Variants in NRAS observed in about 807,000 individuals in gnomAD.
NRAS encodes GTPase NRas.
In NRAS, 6 loss-of-function variants were observed where a neutral mutation model predicts 21.3. That is an observed-to-expected ratio of 0.28 (90% CI 0.15 to 0.56). The LOEUF is 0.56. NRAS is among the 20% of genes least tolerant of loss of function. The pLI is 0.93. For missense variants in NRAS, 143 were observed against 231.3 expected (o/e 0.62, Z 2.48); for synonymous variants, 84 against 82.0 (o/e 1.02, Z -0.13).
chr1:114,707,109 T>C lies in NRAS; in HGVS notation c.*985A>G, dbSNP rs796829400. The C allele has an allele frequency of 3.3e-5, 5 of 152,796 alleles. No individual in the cohort carries two copies. The highest frequency in any genetic ancestry group is 1.2e-4 in the African/African-American group (5 of 41,584). 9.5% of individuals were successfully genotyped at this position (152,796 alleles called of 1,614,324 possible). A position where few individuals can be genotyped will look rare whatever the true frequency, so the allele number is the denominator to read the frequency against. Reference sequence around the variant, plus strand: ...AAATTTGAATACAAATGGAAGTTCATTGAATATTAGGTTTATCAGTAAGCT... The same window carrying C: ...AAATTTGAATACAAATGGAAGTTCACTGAATATTAGGTTTATCAGTAAGCT... On this transcript the variant is annotated 3_prime_UTR_variant, in exon 7 of 7. Coordinates refer to ENST00000369535, the MANE Select transcript of NRAS (RefSeq NM_002524.5).
At position 114,706,679 on chromosome 1, in the gene NRAS, A is replaced by C. The variant is rs1658926331; in HGVS notation, c.*1415T>G. The stretch of plus-strand genomic sequence containing the variant: ...CCAGTCATGGTAAAGGGTTTGTGCT[A>C]ACTGACCTCTTCTTTCCTTGCAGGG... On this transcript the variant is annotated 3_prime_UTR_variant, in exon 7 of 7. Coordinates refer to ENST00000369535, the MANE Select transcript of NRAS (RefSeq NM_002524.5). 1 of 152,230 alleles carries C rather than the reference A, an allele frequency of 6.6e-6. No homozygotes were observed. Among genetic ancestry groups the C allele is most frequent in the South Asian group, 2.1e-4 (1 of 4,832 alleles). The allele number at this position is 152,230 out of a possible 1,614,324, so 9.4% of individuals were successfully genotyped here. A position where few individuals can be genotyped will look rare whatever the true frequency, so the allele number is the denominator to read the frequency against.
intron 2 of NRAS, 125 bp downstream of exon 2, chr1:114,715,925 C>A: frequency 1.4e-6 from 1 of 725,982 alleles, no homozygotes; most frequent in South Asian, 1.5e-5. Flanking sequence ...TATTGCATAA[C>A]TGAATGTATA....
At chr1:114,709,284 A>G (rs1402016819) in intron 4 of NRAS, among the ~76,000 whole-genome samples, 1 of 152,004 alleles carries the variant, frequency 6.6e-6, no homozygotes, top group South Asian at 2.1e-4. Context: ...TAAAAGTACA[A>G]AAATTAGCCG....
chr1:114,709,605 C>A lies in NRAS; in HGVS notation c.414G>T (p.Gly138=). The A allele has an allele frequency of 6.2e-7, 1 of 1,614,098 alleles. No homozygotes were observed. The highest frequency in any genetic ancestry group is 8.5e-7 in the Non-Finnish European group (1 of 1,179,972). ...TGGCTGAGGTTTCAATGAATGGAAT[C>A]CCGTAACTCTTGGCCAGTTCGTGGG... ...KQAHELAKSY[G]IPFIETSAKT... is the part of the protein sequence containing the mutation. Residue 138 remains glycine, a synonymous_variant, in exon 4 of 7, where the codon GGG becomes GGT. Coordinates refer to ENST00000369535, the MANE Select transcript of NRAS (RefSeq NM_002524.5).
rs1270059959 is a variant in NRAS, at chr1:114,706,506, A to G, written c.*1588T>C. 1 of 152,216 alleles carries G rather than the reference A, an allele frequency of 6.6e-6. No individual in the cohort carries two copies. Among genetic ancestry groups the G allele is most frequent in the Non-Finnish European group, 1.5e-5 (1 of 68,050 alleles). 9.4% of individuals were successfully genotyped at this position (152,216 alleles called of 1,614,324 possible). A position where few individuals can be genotyped will look rare whatever the true frequency, so the allele number is the denominator to read the frequency against. Reference sequence around the variant, plus strand: ...TTAGATTTATCAACATCTTGTTTTAAACCCTTCAAAGAACATTATGAATAA... The same window carrying G: ...TTAGATTTATCAACATCTTGTTTTAGACCCTTCAAAGAACATTATGAATAA... On this transcript the variant is annotated 3_prime_UTR_variant, in exon 7 of 7. Coordinates refer to ENST00000369535, the MANE Select transcript of NRAS (RefSeq NM_002524.5).
rs766756901 is a variant in NRAS, at chr1:114,709,635, T to C, written c.384A>G (p.Lys128=). 9.9e-6 allele frequency: 16 copies of C among 1,613,952 alleles called. No homozygotes were observed. Among genetic ancestry groups the C allele is most frequent in the Non-Finnish European group, 1.3e-5 (15 of 1,179,930 alleles). The change falls in exon 4 of 7, where the codon AAA becomes AAG. Residue 128 remains lysine, a synonymous_variant. Coordinates refer to ENST00000369535, the MANE Select transcript of NRAS (RefSeq NM_002524.5). ...CDLPTRTVDT[K]QAHELAKSYG... ...AACTCTTGGCCAGTTCGTGGGCTTG[T>C]TTTGTATCAACTGTCCTTGTTGGCA...
At chr1:114,712,787 A>C (rs1169928083) in intron 3 of NRAS, among the ~76,000 whole-genome samples, 1 of 152,206 alleles carries the variant, frequency 6.6e-6, no homozygotes, top group Non-Finnish European at 1.5e-5. Flanking sequence ...TCACAACTCT[A>C]TGAGGTAGGT....
At chr1:114,714,383 A>C (rs548541660) in intron 2 of NRAS, among the ~76,000 whole-genome samples, 60 of 152,214 alleles carry the variant, frequency 3.9e-4, no homozygotes, top group Non-Finnish European at 7.3e-4. Context: ...ACATACCTCC[A>C]CCAATTATAA....
intron 2 of NRAS, among the ~76,000 whole-genome samples, chr1:114,715,373 G>A (rs1213550601): frequency 6.6e-6 from 1 of 152,130 alleles, no homozygotes; most frequent in Non-Finnish European, 1.5e-5. Context: ...AAGACAATCT[G>A]TACCATGAAC....
intron 3 of NRAS, among the ~76,000 whole-genome samples, chr1:114,711,229 C>T (rs1357955734): frequency 6.6e-6 from 1 of 152,034 alleles, no homozygotes; most frequent in Admixed American, 6.6e-5. Flanking sequence ...TCCCTTGATC[C>T]CTGAGAGGTT....
chr1:114,712,657 A>G (rs1659072539), intron 3 of NRAS, among the ~76,000 whole-genome samples: 1 of 152,258 alleles, frequency 6.6e-6, no homozygotes, highest in Non-Finnish European at 1.5e-5. Flanking sequence ...GAGAGCAGAC[A>G]TCTTCACATG....
intron 3 of NRAS, among the ~76,000 whole-genome samples, chr1:114,710,940 G>C (rs1659031578): frequency 6.6e-6 from 1 of 152,316 alleles, no homozygotes; most frequent in Non-Finnish European, 1.5e-5. Context: ...ATAACTAGGT[G>C]TGACAGTATT....
rs1489046047 is a variant in NRAS at position 114,706,504 on chromosome 1, T to C, written c.*1590A>G. The C allele has an allele frequency of 1.3e-5, 2 of 152,256 alleles. No individual in the cohort carries two copies. The highest frequency in any genetic ancestry group is 2.9e-5 in the Non-Finnish European group (2 of 68,046). 9.4% of individuals were successfully genotyped at this position (152,256 alleles called of 1,614,324 possible). A position where few individuals can be genotyped will look rare whatever the true frequency, so the allele number is the denominator to read the frequency against. On this transcript the variant is annotated 3_prime_UTR_variant, in exon 7 of 7. Coordinates refer to ENST00000369535, the MANE Select transcript of NRAS (RefSeq NM_002524.5). ...GCTTAGATTTATCAACATCTTGTTT[T>C]AAACCCTTCAAAGAACATTATGAAT...
At chr1:114,714,328 T>C (rs1659110880) in intron 2 of NRAS, among the ~76,000 whole-genome samples, 1 of 152,240 alleles carries the variant, frequency 6.6e-6, no homozygotes, top group Non-Finnish European at 1.5e-5. Flanking sequence ...AGCTATGAAC[T>C]GGACTGTTTT....
chr1:114,711,551 C>T (rs1481544571), intron 3 of NRAS, among the ~76,000 whole-genome samples: 2 of 150,378 alleles, frequency 1.3e-5, no homozygotes, highest in Admixed American at 1.3e-4. Context: ...CAGTGAGCCG[C>T]GATCGCACCA....
intron 2 of NRAS, among the ~76,000 whole-genome samples, chr1:114,714,671 G>A (rs1327429908): frequency 6.6e-6 from 1 of 152,144 alleles, no homozygotes; most frequent in Non-Finnish European, 1.5e-5. Flanking sequence ...AGTACTGGAA[G>A]TGCTCTATAC....
At chr1:114,711,359 AGG>A (rs1659038513) in intron 3 of NRAS, among the ~76,000 whole-genome samples, 1 of 152,078 alleles carries the variant, frequency 6.6e-6, no homozygotes, top group Non-Finnish European at 1.5e-5. Flanking sequence ...GCCCTCTGGG[AGG>A]CCGAGGCGGG....
rs768269600 is a variant in NRAS at position 114,709,528 on chromosome 1, T to G, written c.450+41A>C. The G allele has an allele frequency of 1.3e-5, 20 of 1,531,472 alleles. No homozygotes were observed. The Admixed American group carries it at 3.2e-4, about 24-fold the overall frequency. The allele number at this position is 1,531,472 out of a possible 1,614,324, so 94.9% of individuals were successfully genotyped here. On this transcript the variant is annotated intron_variant, in intron 4 of 6. Coordinates refer to ENST00000369535, the MANE Select transcript of NRAS (RefSeq NM_002524.5). Reference sequence around the variant, plus strand: ...CACATCTCTACCAGAGTTAATCAACTGATGCAAACTCTTGCACAAATGCTG... The same window carrying G: ...CACATCTCTACCAGAGTTAATCAACGGATGCAAACTCTTGCACAAATGCTG...
At position 114,713,838 on chromosome 1, in the gene NRAS, G is replaced by C. The variant is rs1365997556; in HGVS notation, c.252C>G (p.Ile84Met). 6.2e-7 allele frequency: 1 copy of C among 1,613,984 alleles called. No homozygotes were observed. The highest frequency in any genetic ancestry group is 8.5e-7 in the Non-Finnish European group (1 of 1,179,904). Residue 84 changes from isoleucine (I) to methionine (M), a missense_variant, in exon 3 of 7, where the codon ATC becomes ATG. Transcript: ENST00000369535. ...TATCCGCAAATGACTTGCTATTATT[G>C]ATGGCAAATACACAGAGGAAGCCTT... ...TGEGFLCVFA[I>M]NNSKSFADIN...
Sources: allele counts gnomAD v4.1 joint callset (sites outside exome capture counted in the v4.1 genomes callset), GRCh38; gene constraint gnomAD v4.1.1; transcripts MANE v1.5; gene names NCBI Gene and HGNC (gene_info 2026-07-23, HGNC 2026-07-21).